The following RBFOX1 variants were observed in gnomAD, a reference collection of about 807,000 sequenced individuals.
RBFOX1 encodes RNA binding fox-1 homolog 1.
Under a neutral mutation model 57.7 loss-of-function variants are expected in RBFOX1, and 8 were observed. The ratio of observed to expected loss-of-function variants is 0.14; its 90% CI spans 0.08 to 0.25. RBFOX1 has a LOEUF of 0.25. Ranked by LOEUF, RBFOX1 falls within the 10% of genes least tolerant of loss-of-function variation. The pLI is 1.00. For synonymous variants in RBFOX1, 326 were observed against 222.4 expected (o/e 1.47, Z -4.15); for missense variants, 611 against 548.5 (o/e 1.11, Z -1.14).
chr16:5,978,793 G>T (rs1327567124), intron 4 of RBFOX1, among the ~76,000 whole-genome samples: 1 of 151,754 alleles, frequency 6.6e-6, no homozygotes, highest in African/African-American at 2.4e-5. Flanking sequence ...GATTAGCCTG[G>T]GGTTTGGAGT....
At chr16:6,885,239 T>C (rs1456535493) in intron 3 of RBFOX1, among the ~76,000 whole-genome samples, 2 of 152,284 alleles carry the variant, frequency 1.3e-5, no homozygotes, top group East Asian at 3.9e-4. Context: ...AGATGTGGTC[T>C]CCAGTCCAGC....
At chr16:5,950,056 C>A (rs966379308) in intron 4 of RBFOX1, among the ~76,000 whole-genome samples, 3 of 152,248 alleles carry the variant, frequency 2.0e-5, no homozygotes, top group Non-Finnish European at 4.4e-5. Flanking sequence ...TCTAATCAAT[C>A]AGTGATAGAT....
At chr16:5,322,022 C>T (rs1462752902) in intron 1 of RBFOX1, among the ~76,000 whole-genome samples, 1 of 152,104 alleles carries the variant, frequency 6.6e-6, no homozygotes, top group Non-Finnish European at 1.5e-5. Flanking sequence ...TGTCTCCATC[C>T]TACAGATGAA....
chr16:5,521,846 A>G (rs1156798427), intron 2 of RBFOX1, among the ~76,000 whole-genome samples: 5 of 152,204 alleles, frequency 3.3e-5, no homozygotes, highest in Non-Finnish European at 7.3e-5. Context: ...ATTCCTCTTC[A>G]TATCCCTAGC....
chr16:7,463,707 A>G (rs2059984918), intron 4 of RBFOX1, among the ~76,000 whole-genome samples: 1 of 152,168 alleles, frequency 6.6e-6, no homozygotes, highest in Non-Finnish European at 1.5e-5. Flanking sequence ...TCCAGAGATT[A>G]GGGCATGGGA....
intron 3 of RBFOX1, among the ~76,000 whole-genome samples, chr16:6,865,842 C>G (rs954986605): frequency 1.1e-4 from 16 of 152,276 alleles, no homozygotes; most frequent in East Asian, 1.9e-4. Flanking sequence ...TAACTTCTCT[C>G]TTTTTTGCGT....
At chr16:6,515,893 A>C (rs1567520579) in intron 2 of RBFOX1, among the ~76,000 whole-genome samples, 1 of 152,176 alleles carries the variant, frequency 6.6e-6, no homozygotes, top group Admixed American at 6.5e-5. Flanking sequence ...TCAGCTTTGC[A>C]TAATTTTCCT....
chr16:6,020,273 C>T (rs551777759), intron 1 of RBFOX1, among the ~76,000 whole-genome samples: 4 of 152,116 alleles, frequency 2.6e-5, no homozygotes, highest in African/African-American at 9.7e-5. Flanking sequence ...CAGGCTACCT[C>T]GTCCGTCCTC....
intron 4 of RBFOX1, among the ~76,000 whole-genome samples, chr16:7,412,017 G>C (rs534897534): frequency 6.6e-6 from 1 of 152,080 alleles, no homozygotes; most frequent in South Asian, 2.1e-4. Context: ...TGGGATCCTG[G>C]AGCCGAAAAA....
chr16:6,267,425 G>A (rs1267498575), intron 1 of RBFOX1, among the ~76,000 whole-genome samples: 3 of 152,132 alleles, frequency 2.0e-5, no homozygotes, highest in Non-Finnish European at 2.9e-5. Context: ...GACTTGAGGG[G>A]TGTCCCCTTG....
intron 2 of RBFOX1, among the ~76,000 whole-genome samples, chr16:5,537,785 A>T (rs9938917): frequency 0.043 from 6,509 of 152,304 alleles, 481 homozygotes; most frequent in African/African-American, 0.15. Flanking sequence ...ATGTAATTAG[A>T]TTGAGCTCAC....
intron 1 of RBFOX1, among the ~76,000 whole-genome samples, chr16:5,406,498 C>T (rs1369774275): frequency 2.0e-5 from 3 of 152,058 alleles, no homozygotes; most frequent in East Asian, 1.9e-4. Flanking sequence ...GATTGTGGAA[C>T]TTCTTAATCT....
chr16:7,157,100 T>C (rs1286548589), intron 4 of RBFOX1, among the ~76,000 whole-genome samples: 1 of 152,202 alleles, frequency 6.6e-6, no homozygotes, highest in African/African-American at 2.4e-5. Flanking sequence ...GCCACTTCCA[T>C]GCTATTGAGT....
At chr16:7,227,798 C>G (rs530603311) in intron 4 of RBFOX1, among the ~76,000 whole-genome samples, 4 of 152,334 alleles carry the variant, frequency 2.6e-5, no homozygotes, top group Admixed American at 2.6e-4. Context: ...AAACTCCTAC[C>G]TCATCACGGC....
At chr16:5,990,200 C>G (rs895692613) in intron 4 of RBFOX1, among the ~76,000 whole-genome samples, 1 of 152,074 alleles carries the variant, frequency 6.6e-6, no homozygotes, top group African/African-American at 2.4e-5. Flanking sequence ...GTGGCTCAGG[C>G]TGGTTTGGAA....
intron 2 of RBFOX1, among the ~76,000 whole-genome samples, chr16:6,494,604 G>A (rs1482255096): frequency 1.3e-5 from 2 of 152,198 alleles, no homozygotes; most frequent in African/African-American, 4.8e-5. Context: ...TATCTGGGTT[G>A]GCTTTGACCA....
At chr16:6,625,604 G>GGCC (rs2098294394) in intron 2 of RBFOX1, among the ~76,000 whole-genome samples, 1 of 152,130 alleles carries the variant, frequency 6.6e-6, no homozygotes, top group Non-Finnish European at 1.5e-5. Flanking sequence ...CTATGGTAGA[G>GGCC]GCCAACCTTG....
chr16:6,536,200 A>G lies in RBFOX1; in HGVS notation c.-63-118403A>G, dbSNP rs546122250. Among the ~76,000 whole-genome samples the G allele has an allele frequency of 3.7e-4, 57 of 152,320 alleles. 1 individual carries two copies. In the South Asian group the frequency reaches 5.4e-3, roughly 14 times the overall value. On this transcript the variant is annotated intron_variant, in intron 2 of 15. Transcript: ENST00000550418. ...CTACCTCTTGTATAAATGCAACCCA[A>G]AAATCTTGAATTATAAACTTACTTG...
At chr16:6,806,817 A>AATATATAAAT (rs1366370826) in intron 3 of RBFOX1, among the ~76,000 whole-genome samples, 31 of 85,120 alleles carry the variant, frequency 3.6e-4, no homozygotes, top group South Asian at 2.3e-3. Context: ...TAAATATATA[A>AATATATAAAT]ATATATATAT....
Sources: allele counts gnomAD v4.1 joint callset (sites outside exome capture counted in the v4.1 genomes callset), GRCh38; gene constraint gnomAD v4.1.1; transcripts MANE v1.5; gene names NCBI Gene and HGNC (gene_info 2026-07-23, HGNC 2026-07-21).